The following ZYG11B variants were observed in gnomAD, a reference collection of about 807,000 sequenced individuals.
The protein encoded by ZYG11B is zyg-11 family member B, cell cycle regulator, also known as protein zyg-11 homolog B.
A neutral mutation model predicts 82.4 loss-of-function variants in ZYG11B; 36 were observed. The ratio of observed to expected loss-of-function variants is 0.44; its 90% CI spans 0.33 to 0.58. The LOEUF (loss-of-function observed/expected upper bound fraction) is 0.58, where lower values mean the gene tolerates loss of function less well. Ranked by LOEUF, ZYG11B falls within the 20% of genes least tolerant of loss-of-function variation. The pLI, the probability that ZYG11B is intolerant of heterozygous loss-of-function variation, is 0.02. For synonymous variants in ZYG11B, 303 were observed against 312.8 expected (o/e 0.97, Z 0.33); for missense variants, 552 against 895.6 (o/e 0.62, Z 4.90).
At chr1:52,753,034 G>A (rs941864470) in intron 1 of ZYG11B, among the ~76,000 whole-genome samples, 11 of 152,080 alleles carry the variant, frequency 7.2e-5, no homozygotes, top group Non-Finnish European at 1.6e-4. Context: ...TTTTAGGAGA[G>A]ACGGGGTTTC....
At chr1:52,810,585 C>T (rs937336089) in intron 10 of ZYG11B, among the ~76,000 whole-genome samples, 8 of 152,212 alleles carry the variant, frequency 5.3e-5, no homozygotes. Flanking sequence ...CAGTAAAGGA[C>T]ACTGAGAGTC....
chr1:52,779,703 TG>T, intron 3 of ZYG11B, 149 bp from the exon 4 acceptor site: 1 of 806,452 alleles, frequency 1.2e-6, no homozygotes, highest in Non-Finnish European at 1.9e-6. Flanking sequence ...TTGGCCAGGG[TG>T]GTCTCGAACT....
intron 2 of ZYG11B, among the ~76,000 whole-genome samples, chr1:52,762,670 T>C (rs1250595681): frequency 6.6e-6 from 1 of 152,028 alleles, no homozygotes; most frequent in Non-Finnish European, 1.5e-5. Flanking sequence ...AGCCTCCGCC[T>C]CCCAGGTTCA....
At chr1:52,764,438 A>C (rs559329332) in intron 2 of ZYG11B, among the ~76,000 whole-genome samples, 1 of 151,916 alleles carries the variant, frequency 6.6e-6, no homozygotes, top group Non-Finnish European at 1.5e-5. Context: ...CCCAGCCAAG[A>C]TTTTTTTAAA....
intron 3 of ZYG11B, among the ~76,000 whole-genome samples, chr1:52,774,140 T>C (rs1644783135): frequency 4.9e-5 from 2 of 40,706 alleles, no homozygotes. Context: ...ACAATAACTT[T>C]TTTTTTTTTT....
chr1:52,771,726 T>A lies in ZYG11B; in HGVS notation c.903T>A (p.Ala301=), dbSNP rs1644752833. The change falls in exon 3 of 14, where the codon GCT becomes GCA. Residue 301 remains alanine (A), a synonymous_variant. Transcript: ENST00000294353. This position sits in a 1 kb window ranked among gnomAD's most constrained non-coding sequence, Gnocchi z 5.4. The part of the protein sequence containing the change: ...RPSMQFVGLL[A]TDAGYSEFLT... ...GCATGCAATTTGTAGGTTTGCTGGCTACTGATGCTGGTTACTCTGAATTCC... is the reference window on the plus strand; with the variant it reads ...GCATGCAATTTGTAGGTTTGCTGGCAACTGATGCTGGTTACTCTGAATTCC... 1 of 1,613,936 alleles carries A rather than the reference T, an allele frequency of 6.2e-7. No individual in the cohort carries two copies.
At chr1:52,806,090 G>C (rs1287293799) in intron 10 of ZYG11B, among the ~76,000 whole-genome samples, 1 of 151,830 alleles carries the variant, frequency 6.6e-6, no homozygotes, top group Non-Finnish European at 1.5e-5. Flanking sequence ...TTTAATTTGA[G>C]ATATTTATTC....
Position 52,821,697 on chromosome 1 carries a change from AC to A in ZYG11B, c.*71del. On this transcript the variant is annotated 3_prime_UTR_variant, in exon 14 of 14. Coordinates refer to ENST00000294353, the MANE Select transcript of ZYG11B (RefSeq NM_024646.3). Reference sequence around the variant, plus strand: ...GTGATTGGTCCATTTGGAATATCTTACCCTCCCTGATGTTTTGGGGGTTTCT... The same window carrying A: ...GTGATTGGTCCATTTGGAATATCTTACCTCCCTGATGTTTTGGGGGTTTCT... 5 of 1,450,336 alleles carry A rather than the reference AC, an allele frequency of 3.4e-6. No individual in the cohort carries two copies. The highest frequency in any genetic ancestry group is 4.7e-6 in the Non-Finnish European group (5 of 1,067,186). The allele number at this position is 1,450,336 out of a possible 1,614,324, so 89.8% of individuals were successfully genotyped here. A position where few individuals can be genotyped will look rare whatever the true frequency, so the allele number is the denominator to read the frequency against.
At chr1:52,819,631 CA>C (rs1415796328) in intron 13 of ZYG11B, among the ~76,000 whole-genome samples, 5 of 151,424 alleles carry the variant, frequency 3.3e-5, no homozygotes, top group African/African-American at 9.7e-5. Context: ...ACTAAAAATA[CA>C]AAAAATTAGC....
At chr1:52,805,739 G>C (rs1466878663) in intron 10 of ZYG11B, among the ~76,000 whole-genome samples, 1 of 152,174 alleles carries the variant, frequency 6.6e-6, no homozygotes, top group Non-Finnish European at 1.5e-5. Flanking sequence ...TGAGGCAGGA[G>C]AATTGCTTGA....
chr1:52,773,831 CAG>C (rs899940719), intron 3 of ZYG11B, among the ~76,000 whole-genome samples: 13 of 150,304 alleles, frequency 8.6e-5, no homozygotes, highest in South Asian at 2.1e-4. Flanking sequence ...TTAGTAGAGA[CAG>C]GGGTTCACCA....
intron 1 of ZYG11B, among the ~76,000 whole-genome samples, chr1:52,741,340 TA>T (rs2149921593): frequency 6.9e-6 from 1 of 145,718 alleles, no homozygotes; most frequent in East Asian, 2.0e-4. Context: ...GAAAGTTTTT[TA>T]AAAACCCAAA....
chr1:52,769,504 C>T (rs2149937288), intron 2 of ZYG11B, among the ~76,000 whole-genome samples: 1 of 152,206 alleles, frequency 6.6e-6, no homozygotes, highest in Non-Finnish European at 1.5e-5. Flanking sequence ...CACTTTGTAC[C>T]ACCTGCTTTC....
intron 1 of ZYG11B, among the ~76,000 whole-genome samples, chr1:52,755,413 A>G (rs1448805098): frequency 1.3e-5 from 2 of 152,162 alleles, no homozygotes; most frequent in African/African-American, 4.8e-5. Context: ...TTTAGTAATC[A>G]AAGTCTTTCA....
chr1:52,800,997 A>T (rs896759181), intron 8 of ZYG11B, among the ~76,000 whole-genome samples: 1 of 152,192 alleles, frequency 6.6e-6, no homozygotes, highest in Non-Finnish European at 1.5e-5. Flanking sequence ...AAATTGAATT[A>T]TGGATGCCTT....
chr1:52,728,593 G>A (rs1031400072), intron 1 of ZYG11B, among the ~76,000 whole-genome samples: 6 of 152,176 alleles, frequency 3.9e-5, no homozygotes, highest in African/African-American at 1.4e-4. Context: ...ATGATATTGA[G>A]TGAGGTATGA....
At chr1:52,728,480 C>T (rs1272616512) in intron 1 of ZYG11B, among the ~76,000 whole-genome samples, 1 of 152,134 alleles carries the variant, frequency 6.6e-6, no homozygotes, top group Non-Finnish European at 1.5e-5. Flanking sequence ...CTGGTCTTGA[C>T]CTCCTGGATT....
chr1:52,731,343 T>TA (rs1644331161), intron 1 of ZYG11B, among the ~76,000 whole-genome samples: 1 of 151,572 alleles, frequency 6.6e-6, no homozygotes, highest in Non-Finnish European at 1.5e-5. Flanking sequence ...CCTGTGGTGA[T>TA]ACTCTCTCTT....
chr1:52,726,942 C>A (rs1644289568), intron 1 of ZYG11B, among the ~76,000 whole-genome samples: 1 of 152,054 alleles, frequency 6.6e-6, no homozygotes, highest in Admixed American at 6.6e-5. Context: ...CCAGTGACAG[C>A]CTTTTTCGCA....
Sources: allele counts gnomAD v4.1 joint callset (sites outside exome capture counted in the v4.1 genomes callset), GRCh38; gene constraint gnomAD v4.1.1; non-coding constraint Gnocchi (gnomAD v3.1); transcripts MANE v1.5; gene names NCBI Gene and HGNC (gene_info 2026-07-23, HGNC 2026-07-21).